The following ZBTB16 variants were observed in gnomAD, a reference collection of about 807,000 sequenced individuals.
The protein encoded by ZBTB16 is zinc finger and BTB domain-containing protein 16.
A neutral mutation model predicts 56.8 loss-of-function variants in ZBTB16; 8 were observed. The observed-to-expected ratio is 0.14, with a 90% confidence interval of 0.08 to 0.25. The LOEUF (loss-of-function observed/expected upper bound fraction) is 0.25. ZBTB16 is among the 10% of genes least tolerant of loss of function. The pLI is 1.00. For missense variants in ZBTB16, 625 were observed against 903.0 expected (o/e 0.69, Z 3.95); for synonymous variants, 363 against 368.5 (o/e 0.98, Z 0.17).
intron 2 of ZBTB16, among the ~76,000 whole-genome samples, chr11:114,100,401 A>G (rs1051920338): frequency 2.6e-5 from 4 of 152,218 alleles, no homozygotes; most frequent in African/African-American, 9.7e-5. Flanking sequence ...GTTGTGATCC[A>G]GGGATTTAAG....
Position 114,165,297 on chromosome 11 carries a change from C to G in ZBTB16, c.1366+8863C>G, listed in dbSNP as rs117726968. ...CAGAGTGGGGCTTCTCTGGCTTGGC[C>G]CCTGCTTTTCCCAGGTCCCTGGATG... is the stretch of plus-strand genomic sequence containing the variant. On this transcript the variant is annotated intron_variant, in intron 3 of 6. Coordinates refer to ENST00000335953, the MANE Select transcript of ZBTB16 (RefSeq NM_006006.6). Among the ~76,000 whole-genome samples, 804 of 152,280 alleles carry G rather than the reference C, an allele frequency of 5.3e-3. 1 individual carries two copies. Among genetic ancestry groups the G allele is most frequent in the Middle Eastern group, 0.024 (7 of 294 alleles).
At chr11:114,207,221 A>G (rs925994636) in intron 4 of ZBTB16, among the ~76,000 whole-genome samples, 6 of 152,102 alleles carry the variant, frequency 3.9e-5, no homozygotes, top group African/African-American at 7.2e-5. Context: ...CCAGCTACAC[A>G]GTGAAATCAT....
chr11:114,237,817 C>G (rs957865430), intron 4 of ZBTB16, among the ~76,000 whole-genome samples: 10 of 152,198 alleles, frequency 6.6e-5, no homozygotes, highest in African/African-American at 2.2e-4. Flanking sequence ...ACATCTCCCC[C>G]ACTTTTCCAT....
chr11:114,126,007 G>A (rs1941498692), intron 2 of ZBTB16, among the ~76,000 whole-genome samples: 1 of 152,166 alleles, frequency 6.6e-6, no homozygotes, highest in Admixed American at 6.5e-5. Context: ...TTTGTAAAAG[G>A]AGAGTTCTGG....
At chr11:114,117,840 C>T (rs1475041715) in intron 2 of ZBTB16, among the ~76,000 whole-genome samples, 1 of 152,150 alleles carries the variant, frequency 6.6e-6, no homozygotes, top group East Asian at 1.9e-4. Flanking sequence ...TGGCAGAAAA[C>T]AGTATTTTTG....
intron 3 of ZBTB16, among the ~76,000 whole-genome samples, chr11:114,181,721 G>A (rs1476437487): frequency 6.6e-6 from 1 of 152,164 alleles, no homozygotes; most frequent in African/African-American, 2.4e-5. Context: ...TCTAGATCCT[G>A]CTATTTTTCT....
At chr11:114,101,028 T>C (rs959311519) in intron 2 of ZBTB16, among the ~76,000 whole-genome samples, 2 of 151,932 alleles carry the variant, frequency 1.3e-5, no homozygotes, top group African/African-American at 2.4e-5. Context: ...TGAGACAGGG[T>C]CTTACTCTGT....
chr11:114,126,134 G>T (rs1941502026), intron 2 of ZBTB16, among the ~76,000 whole-genome samples: 1 of 152,160 alleles, frequency 6.6e-6, no homozygotes, highest in South Asian at 2.1e-4. Context: ...CCATTTTTAG[G>T]ATCTTTCTGG....
In ZBTB16 at chr11:114,059,740, G is replaced by C; in HGVS notation, c.-233G>C. 1 of 398,372 alleles carries C rather than the reference G, an allele frequency of 2.5e-6. No homozygotes were observed. Among genetic ancestry groups the C allele is most frequent in the Non-Finnish European group, 4.4e-6 (1 of 225,926 alleles). 24.7% of individuals were successfully genotyped at this position (398,372 alleles called of 1,614,324 possible). On this transcript the variant is annotated 5_prime_UTR_variant, in exon 1 of 7. Transcript: ENST00000335953. The surrounding 1 kb of genome is among the most constrained non-coding windows in gnomAD (Gnocchi z 5.3). ...GAGAGGAGTTGAGGGCGATGAGAGC[G>C]GGTACTGCGAACTGCCGGGCGATGC...
At position 114,143,530 on chromosome 11, in the gene ZBTB16, G is replaced by A. The variant is rs1467491260; in HGVS notation, c.1269-12807G>A. ...TGAAATGTCCTTTTGGAAGTATCAG[G>A]TTCCTGCAGGGAGATTACACAAAAA... On this transcript the variant is annotated intron_variant, in intron 2 of 6. Transcript: ENST00000335953. This position sits in a 1 kb window ranked among gnomAD's most constrained non-coding sequence, Gnocchi z 6.4. Among the ~76,000 whole-genome samples, 3 of 152,156 alleles carry A rather than the reference G, an allele frequency of 2.0e-5. No homozygotes were observed. Among genetic ancestry groups the A allele is most frequent in the African/African-American group, 4.8e-5 (2 of 41,442 alleles).
intron 2 of ZBTB16, among the ~76,000 whole-genome samples, chr11:114,071,023 T>C (rs986983028): frequency 1.3e-5 from 2 of 152,182 alleles, no homozygotes; most frequent in African/African-American, 2.4e-5. Context: ...TGACATCGTT[T>C]TTTTCATCGT....
chr11:114,077,883 G>A (rs184742591), intron 2 of ZBTB16, among the ~76,000 whole-genome samples: 44 of 152,338 alleles, frequency 2.9e-4, no homozygotes, highest in African/African-American at 8.9e-4. Context: ...TGCATAAGAG[G>A]TTGCTGTTTA....
At chr11:114,113,816 T>C (rs912941454) in intron 2 of ZBTB16, among the ~76,000 whole-genome samples, 2 of 152,258 alleles carry the variant, frequency 1.3e-5, no homozygotes, top group African/African-American at 4.8e-5. Context: ...GGGGCAGATA[T>C]AAGTTAGTCA....
Position 114,247,218 on chromosome 11 carries a change from G to A in ZBTB16, c.1645G>A (p.Glu549Lys). 1 of 1,614,252 alleles carries A rather than the reference G, an allele frequency of 6.2e-7. No individual in the cohort carries two copies. The highest frequency in any genetic ancestry group is 8.5e-7 in the Non-Finnish European group (1 of 1,180,046). ...CACAGGCGACCACCCCTACGAGTGT[G>A]AGTTCTGTGGCAGCTGCTTCCGGGA... Reference protein sequence around the residue: ...SHTGDHPYECEFCGSCFRDES... With the variant: ...SHTGDHPYECKFCGSCFRDES... The change falls in exon 6 of 7, where the codon GAG becomes AAG. Residue 549 changes from glutamate (E) to lysine (K), a missense_variant. By Grantham distance (56) the Glu-to-Lys change is moderately conservative. Around this residue, in one of 6 missense-constraint regions of ZBTB16, gnomAD observed 140 missense variants for 214.8 expected, o/e 0.65. Transcript: ENST00000335953.
chr11:114,194,694 C>G (rs1044616755), intron 4 of ZBTB16, among the ~76,000 whole-genome samples: 1 of 152,178 alleles, frequency 6.6e-6, no homozygotes, highest in Non-Finnish European at 1.5e-5. Context: ...TTTTTTTACA[C>G]TGTTCAGTAA....
At chr11:114,246,900 T>G in intron 5 of ZBTB16, 1 of 452,536 alleles carries the variant, frequency 2.2e-6, no homozygotes, top group Non-Finnish European at 4.1e-6. Context: ...GTCTCATGTA[T>G]CCACAAGGGG....
At chr11:114,237,239 GT>G (rs1343896711) in intron 4 of ZBTB16, 1 of 152,238 alleles carries the variant, frequency 6.6e-6, no homozygotes. Flanking sequence ...ACATTATAAA[GT>G]TTTTTCGTGT....
rs1054648502 is a variant in ZBTB16, at chr11:114,186,871, A to G, written c.1367-81A>G. ...TGTCCAGTCCCCTTCCCTAGTGTCT[A>G]CCTGCACAGTTGTGGCCCAGGACCT... is the stretch of plus-strand genomic sequence containing the variant. On this transcript the variant is annotated intron_variant, in intron 3 of 6. Coordinates refer to ENST00000335953, the MANE Select transcript of ZBTB16 (RefSeq NM_006006.6). 7.3e-6 allele frequency: 10 copies of G among 1,371,056 alleles called. No homozygotes were observed. In the African/African-American group the frequency reaches 1.1e-4, roughly 16 times the overall value. 84.9% of individuals were successfully genotyped at this position (1,371,056 alleles called of 1,614,324 possible). A position where few individuals can be genotyped will look rare whatever the true frequency, so the allele number is the denominator to read the frequency against.
intron 4 of ZBTB16, among the ~76,000 whole-genome samples, chr11:114,196,480 G>A (rs1943614701): frequency 6.6e-6 from 1 of 152,136 alleles, no homozygotes; most frequent in Non-Finnish European, 1.5e-5. Context: ...GTACTAGGTT[G>A]AACTAGACCC....
Sources: allele counts gnomAD v4.1 joint callset (sites outside exome capture counted in the v4.1 genomes callset), GRCh38; gene constraint gnomAD v4.1.1; regional missense constraint gnomAD v4.1.1; non-coding constraint Gnocchi (gnomAD v3.1); transcripts MANE v1.5; gene names NCBI Gene and HGNC (gene_info 2026-07-23, HGNC 2026-07-21).